The following CALCRL variants were observed in gnomAD, a reference collection of about 807,000 sequenced individuals.
The protein encoded by CALCRL is calcitonin gene-related peptide type 1 receptor.
CALCRL carries 27 observed loss-of-function variants against 60.4 expected under a neutral mutation model. The observed-to-expected ratio is 0.45, with a 90% CI of 0.33 to 0.62. The LOEUF is 0.62. Among genes scored for constraint, CALCRL ranks in the 20% least tolerant of loss-of-function variants. The pLI, the probability that CALCRL is intolerant of heterozygous loss-of-function variation, is 0.03. For missense variants in CALCRL, 424 were observed against 540.7 expected (o/e 0.78, Z 2.14); for synonymous variants, 190 against 182.6 (o/e 1.04, Z -0.33).
chr2:187,379,022 T>G lies in CALCRL; in HGVS notation c.418A>C (p.Asn140His), dbSNP rs1687881454. The G allele has an allele frequency of 6.2e-7, 1 of 1,600,150 alleles. No individual in the cohort carries two copies. The highest frequency in any genetic ancestry group is 1.3e-5 in the African/African-American group (1 of 74,632). ...NTHEKVKTAL[N>H]LFYLTIIGHG... Reference sequence around the variant, plus strand: ...CCAATTATGGTCAGGTAAAACAAATTTAGTGCAGTCTGTAATTTGTATAAA... The same window carrying G: ...CCAATTATGGTCAGGTAAAACAAATGTAGTGCAGTCTGTAATTTGTATAAA... The change falls in exon 8 of 15, where the codon AAT (asparagine) becomes CAT (histidine). Residue 140 changes from asparagine to histidine, a missense_variant. Physicochemically the swap from Asn to His is moderately conservative, Grantham distance 68 (BLOSUM62 1). Transcript: ENST00000392370.
At chr2:187,445,951 T>C (rs1244658852) in intron 1 of CALCRL, among the ~76,000 whole-genome samples, 3 of 151,574 alleles carry the variant, frequency 2.0e-5, no homozygotes, top group Admixed American at 2.0e-4. Flanking sequence ...TCAAAGTGAA[T>C]GAACAGTTTC....
chr2:187,399,948 G>A lies in CALCRL; in HGVS notation c.-292-12192C>T, dbSNP rs550470841. The stretch of plus-strand genomic sequence containing the variant: ...TAACTACTGGAGTCTGGGGTGGGTA[G>A]CAGGGAGAGAGTGATATGGAGAGAA... On this transcript the variant is annotated intron_variant, in intron 1 of 14. Transcript: ENST00000392370. 2.6e-4 allele frequency among the ~76,000 whole-genome samples: 39 copies of A among 151,498 alleles called. No individual in the cohort carries two copies. In the South Asian group the frequency reaches 5.4e-3, roughly 21 times the overall value.
intron 1 of CALCRL, chr2:187,436,771 C>CT (rs1224341045): frequency 6.6e-6 from 1 of 152,180 alleles, no homozygotes; most frequent in African/African-American, 2.4e-5. Context: ...TTTTTATAAT[C>CT]TAACAAATTA....
intron 1 of CALCRL, among the ~76,000 whole-genome samples, chr2:187,435,860 T>TTG (rs1490886484): frequency 1.1e-4 from 8 of 72,870 alleles, no homozygotes; most frequent in Non-Finnish European, 1.8e-4. Context: ...GTGTGTGTGT[T>TTG]TGTGCGTGCG....
chr2:187,437,897 G>T (rs1208743875), intron 1 of CALCRL, among the ~76,000 whole-genome samples: 2 of 152,112 alleles, frequency 1.3e-5, no homozygotes, highest in Non-Finnish European at 2.9e-5. Context: ...AGTGTGATAA[G>T]AGAATATGTA....
intron 8 of CALCRL, among the ~76,000 whole-genome samples, chr2:187,378,120 CA>C (rs1424841566): frequency 2.6e-5 from 4 of 151,100 alleles, no homozygotes; most frequent in Admixed American, 2.0e-4. Context: ...AAAAGAAGAA[CA>C]AGAAGAAGGA....
At chr2:187,441,081 C>T (rs2105909774) in intron 1 of CALCRL, among the ~76,000 whole-genome samples, 1 of 151,776 alleles carries the variant, frequency 6.6e-6, no homozygotes, top group East Asian at 1.9e-4. Flanking sequence ...TGGAATTAGA[C>T]ACAAAAAAAT....
intron 1 of CALCRL, among the ~76,000 whole-genome samples, chr2:187,435,946 A>T (rs1390726763): frequency 6.6e-6 from 1 of 150,860 alleles, no homozygotes; most frequent in Non-Finnish European, 1.5e-5. Context: ...TGTAATTTGG[A>T]TTATTACCAA....
At chr2:187,379,549 TC>T (rs1687905077) in intron 7 of CALCRL, among the ~76,000 whole-genome samples, 1 of 152,172 alleles carries the variant, frequency 6.6e-6, no homozygotes, top group Non-Finnish European at 1.5e-5. Context: ...CTCATGGTTT[TC>T]ACTTTTTTAT....
At chr2:187,424,207 A>C (rs1690021336) in intron 1 of CALCRL, among the ~76,000 whole-genome samples, 1 of 152,018 alleles carries the variant, frequency 6.6e-6, no homozygotes, top group South Asian at 2.1e-4. Context: ...TGCCAGGCTT[A>C]TTGAATCAAG....
chr2:187,344,828 T>C lies in CALCRL; in HGVS notation c.*1356A>G, dbSNP rs562498783. The stretch of plus-strand genomic sequence containing the variant: ...AAAAGTCAGTAAAGTAATATTTTAA[T>C]GGGGTAAAATCTATAAAAGTAGCAG... On this transcript the variant is annotated 3_prime_UTR_variant, in exon 15 of 15. Coordinates refer to ENST00000392370, the MANE Select transcript of CALCRL (RefSeq NM_005795.6). 6.4e-4 allele frequency: 97 copies of C among 151,854 alleles called. No individual in the cohort carries two copies. The highest frequency in any genetic ancestry group is 2.3e-3 in the African/African-American group (95 of 41,512). The allele number at this position is 151,854 out of a possible 1,614,324, so 9.4% of individuals were successfully genotyped here. A position where few individuals can be genotyped will look rare whatever the true frequency, so the allele number is the denominator to read the frequency against.
chr2:187,392,111 T>C (rs1280824526), intron 1 of CALCRL, among the ~76,000 whole-genome samples: 1 of 152,182 alleles, frequency 6.6e-6, no homozygotes, highest in East Asian at 1.9e-4. Context: ...TTTTCTAAAA[T>C]GTGTATTATT....
chr2:187,352,565 T>C (rs566820773), intron 12 of CALCRL, among the ~76,000 whole-genome samples: 1 of 151,834 alleles, frequency 6.6e-6, no homozygotes, highest in Non-Finnish European at 1.5e-5. Flanking sequence ...TAAATTATGG[T>C]ATAATTACTG....
intron 1 of CALCRL, among the ~76,000 whole-genome samples, chr2:187,399,550 G>A (rs1688796687): frequency 6.6e-6 from 1 of 151,444 alleles, no homozygotes; most frequent in Non-Finnish European, 1.5e-5. Context: ...TCAAGAAAAT[G>A]AAGAGACAGC....
chr2:187,346,343 G>A lies in CALCRL; in HGVS notation c.1227C>T (p.Ser409=), dbSNP rs1160455286. 3 of 1,612,302 alleles carry A rather than the reference G, an allele frequency of 1.9e-6. No homozygotes were observed. Among genetic ancestry groups the A allele is most frequent in the Admixed American group, 1.7e-5 (1 of 59,748 alleles). Reference sequence around the variant, plus strand: ...TACGAAGAGCTTCTGAGTTGGAAAAGCTGTTTCCAAATTGGATTTTGTATT... The same window carrying A: ...TACGAAGAGCTTCTGAGTTGGAAAAACTGTTTCCAAATTGGATTTTGTATT... The part of the protein sequence containing the change: ...WNQYKIQFGN[S]FSNSEALRSA... The change falls in exon 15 of 15, where the codon AGC becomes AGT. Residue 409 remains serine, a synonymous_variant. Transcript: ENST00000392370.
At chr2:187,368,449 T>C (rs1297610022) in intron 8 of CALCRL, among the ~76,000 whole-genome samples, 1 of 152,104 alleles carries the variant, frequency 6.6e-6, no homozygotes, top group African/African-American at 2.4e-5. Context: ...AATTTCCATA[T>C]GATGAAGGGC....
At chr2:187,398,006 G>A (rs1297720920) in intron 1 of CALCRL, among the ~76,000 whole-genome samples, 1 of 151,524 alleles carries the variant, frequency 6.6e-6, no homozygotes, top group Non-Finnish European at 1.5e-5. Context: ...CTTACTCACG[G>A]GACTGATTTT....
At chr2:187,447,164 A>G (rs990505084) in intron 1 of CALCRL, among the ~76,000 whole-genome samples, 1 of 152,016 alleles carries the variant, frequency 6.6e-6, no homozygotes, top group Non-Finnish European at 1.5e-5. Flanking sequence ...CATCCTGGAA[A>G]TTCTTTTTTA....
intron 7 of CALCRL, among the ~76,000 whole-genome samples, 181 bp from the exon 8 acceptor site, chr2:187,379,212 ATATC>A (rs1687890018): frequency 6.6e-6 from 1 of 152,138 alleles, no homozygotes; most frequent in Non-Finnish European, 1.5e-5. Context: ...GGAATGAAAA[ATATC>A]TATCCAGTGA....
Sources: allele counts gnomAD v4.1 joint callset (sites outside exome capture counted in the v4.1 genomes callset), GRCh38; gene constraint gnomAD v4.1.1; transcripts MANE v1.5; gene names NCBI Gene and HGNC (gene_info 2026-07-23, HGNC 2026-07-21).